The following USP31 variants were observed in gnomAD, a reference collection of about 807,000 sequenced individuals.
USP31 encodes the protein ubiquitin carboxyl-terminal hydrolase 31.
USP31 carries 44 observed loss-of-function variants against 119.4 expected under a neutral mutation model. The ratio of observed to expected loss-of-function variants is 0.37; its 90% CI spans 0.29 to 0.47. The LOEUF is 0.47. USP31 is among the 20% of genes least tolerant of loss of function. The pLI, the probability that USP31 is intolerant of heterozygous loss-of-function variation, is 0.99. For synonymous variants in USP31, 749 were observed against 705.6 expected (o/e 1.06, Z -0.97); for missense variants, 1,643 against 1,730.2 (o/e 0.95, Z 0.89).
chr16:23,100,188 C>T (rs1046674700), intron 6 of USP31, among the ~76,000 whole-genome samples: 1 of 151,968 alleles, frequency 6.6e-6, no homozygotes, highest in African/African-American at 2.4e-5. Context: ...TGAAGAGAAA[C>T]GAAAACATAA....
chr16:23,131,729 T>C (rs1363713973), intron 1 of USP31, among the ~76,000 whole-genome samples: 1 of 152,070 alleles, frequency 6.6e-6, no homozygotes, highest in Non-Finnish European at 1.5e-5. Context: ...TGTACATGAA[T>C]TCACTTTGTA....
chr16:23,077,478 T>C (rs2141835651), intron 13 of USP31, among the ~76,000 whole-genome samples: 1 of 152,224 alleles, frequency 6.6e-6, no homozygotes, highest in Non-Finnish European at 1.5e-5. Flanking sequence ...GCCAACGGAC[T>C]CCTCTGCCTT....
At chr16:23,075,326 A>G (rs1900521431) in intron 13 of USP31, among the ~76,000 whole-genome samples, 1 of 152,178 alleles carries the variant, frequency 6.6e-6, no homozygotes, top group South Asian at 2.1e-4. Flanking sequence ...TGTGAGGGAC[A>G]TGCCCAAGAG....
In USP31 at chr16:23,068,386, C is replaced by T; in HGVS notation, c.3719G>A (p.Arg1240His). ...GGCTGTCTTGCCAAGATCCGTCGAGCGCCGGGTTTCCTTCTGTCTCAAGGC... is the reference window on the plus strand; with the variant it reads ...GGCTGTCTTGCCAAGATCCGTCGAGTGCCGGGTTTCCTTCTGTCTCAAGGC... The part of the protein sequence containing the change: ...KSALRQKETR[R>H]STDLGKTALL... The change falls in exon 16 of 16, where the codon CGC (arginine) becomes CAC (histidine). Residue 1240 changes from arginine (R) to histidine (H), a missense_variant. Physicochemically the swap from Arg to His is conservative, Grantham distance 29 (BLOSUM62 0). Coordinates refer to ENST00000219689, the MANE Select transcript of USP31 (RefSeq NM_020718.4). 2 of 1,614,030 alleles carry T rather than the reference C, an allele frequency of 1.2e-6. No homozygotes were observed. The highest frequency in any genetic ancestry group is 1.3e-5 in the African/African-American group (1 of 75,058).
chr16:23,097,445 A>G (rs1901660663), intron 6 of USP31, among the ~76,000 whole-genome samples: 1 of 152,230 alleles, frequency 6.6e-6, no homozygotes, highest in Non-Finnish European at 1.5e-5. Flanking sequence ...AATCAACAGA[A>G]AAAGAGGGAA....
chr16:23,079,802 G>A, intron 13 of USP31, 144 bp downstream of exon 13: 1 of 712,294 alleles, frequency 1.4e-6, no homozygotes, highest in Non-Finnish European at 2.2e-6. Context: ...CTTGGGCAGA[G>A]ATCCAGAGGA....
chr16:23,134,245 T>C (rs532885799), intron 1 of USP31, among the ~76,000 whole-genome samples: 8 of 152,164 alleles, frequency 5.3e-5, no homozygotes, highest in East Asian at 1.9e-4. Context: ...AGTAAAAGAA[T>C]TGATGAAACA....
chr16:23,132,061 G>C (rs188774908), intron 1 of USP31, among the ~76,000 whole-genome samples: 1 of 152,142 alleles, frequency 6.6e-6, no homozygotes, highest in African/African-American at 2.4e-5. Context: ...TTCAGTGACT[G>C]GCCAATTGCT....
intron 1 of USP31, among the ~76,000 whole-genome samples, chr16:23,117,534 A>G (rs1902530234): frequency 6.6e-6 from 1 of 152,248 alleles, no homozygotes; most frequent in East Asian, 1.9e-4. Flanking sequence ...AAAGGGAGAA[A>G]TAGTGAAAGG....
chr16:23,122,622 A>G lies in USP31; in HGVS notation c.634-14439T>C, dbSNP rs116544100. Among the ~76,000 whole-genome samples, 609 of 152,352 alleles carry G rather than the reference A, an allele frequency of 4.0e-3. 7 individuals are homozygous for G. The highest frequency in any genetic ancestry group is 0.013 in the African/African-American group (554 of 41,584). ...ATATAATAGAATATTTTGCAGCTATAAAAAGAAATGTAGTACGATATATAC... is the reference window on the plus strand; with the variant it reads ...ATATAATAGAATATTTTGCAGCTATGAAAAGAAATGTAGTACGATATATAC... On this transcript the variant is annotated intron_variant, in intron 1 of 15. Transcript: ENST00000219689.
At chr16:23,086,562 C>T (rs986493540) in intron 9 of USP31, among the ~76,000 whole-genome samples, 3 of 151,972 alleles carry the variant, frequency 2.0e-5, no homozygotes, top group Non-Finnish European at 4.4e-5. Context: ...GAATTACGGA[C>T]GGAGGAAACC....
chr16:23,085,644 T>C lies in USP31; in HGVS notation c.1641A>G (p.Gly547=), dbSNP rs1901076078. The change falls in exon 10 of 16, where the codon GGA becomes GGG. Residue 547 remains glycine (G), a synonymous_variant. Transcript: ENST00000219689. ...PIVERALKSC[G]PGGTAHVKLV... ...ATTTCACATGAGCAGTGCCACCTGG[T>C]CCACAAGATTTTAATGCCCTATAGA... The C allele has an allele frequency of 1.9e-6, 3 of 1,613,850 alleles. No individual in the cohort carries two copies. The highest frequency in any genetic ancestry group is 1.3e-5 in the African/African-American group (1 of 74,922).
At chr16:23,080,200 T>C (rs1314038437) in intron 12 of USP31, 29 bp from the exon 13 acceptor site, 1 of 1,523,016 alleles carries the variant, frequency 6.6e-7, no homozygotes. Context: ...CAAGTTCTGG[T>C]GATATTTTAA....
At chr16:23,119,137 C>T (rs1324627266) in intron 1 of USP31, among the ~76,000 whole-genome samples, 4 of 149,000 alleles carry the variant, frequency 2.7e-5, no homozygotes, top group Admixed American at 2.0e-4. Context: ...CTCGCTTTGT[C>T]CCCCAGGCTG....
At chr16:23,104,587 T>C (rs1233756021) in intron 5 of USP31, among the ~76,000 whole-genome samples, 1 of 152,196 alleles carries the variant, frequency 6.6e-6, no homozygotes, top group Non-Finnish European at 1.5e-5. Flanking sequence ...ATATTTGCCA[T>C]ATTAGGGCAA....
rs368133756 is a variant in USP31, at chr16:23,068,029, C to A, written c.*17G>T. The A allele has an allele frequency of 1.9e-6, 3 of 1,597,378 alleles. No individual in the cohort carries two copies. In the South Asian group the frequency reaches 3.4e-5, roughly 18 times the overall value. On this transcript the variant is annotated 3_prime_UTR_variant, in exon 16 of 16. Transcript: ENST00000219689. ...AATAAACATCTTTACAGATAAAACA[C>A]TTTGATTGCAGAAATATCACTGAGG... is the stretch of plus-strand genomic sequence containing the variant.
chr16:23,078,310 CAAAA>C (rs34288248), intron 13 of USP31, among the ~76,000 whole-genome samples: 33 of 71,136 alleles, frequency 4.6e-4, no homozygotes, highest in South Asian at 3.3e-3. Context: ...GACTCCGTCG[CAAAA>C]AAAAAAAAAA....
At chr16:23,106,147 G>A (rs1433345199) in intron 4 of USP31, 66 bp downstream of exon 4, 1 of 1,539,212 alleles carries the variant, frequency 6.5e-7, no homozygotes, top group Non-Finnish European at 9.0e-7. Flanking sequence ...GACCTAATAG[G>A]AGCCTACAGA....
chr16:23,148,777 C>A lies in USP31; in HGVS notation c.494G>T (p.Arg165Leu). 1.3e-6 allele frequency: 2 copies of A among 1,531,692 alleles called. No individual in the cohort carries two copies. Among genetic ancestry groups the A allele is most frequent in the South Asian group, 1.2e-5 (1 of 80,794 alleles). The allele number at this position is 1,531,692 out of a possible 1,614,324, so 94.9% of individuals were successfully genotyped here. A position where few individuals can be genotyped will look rare whatever the true frequency, so the allele number is the denominator to read the frequency against. Residue 165 changes from arginine to leucine, a missense_variant, in exon 1 of 16, where the codon CGG (arginine) becomes CTG (leucine). Physicochemically the swap from Arg to Leu is moderately radical, Grantham distance 102. Transcript: ENST00000219689. ...CTCCGGGTCAGGCGAGGGCTCGGGC[C>A]GCCCCGCCCGGTACTGGCCCAGCGC... ...YLALGQYRAGRPEPSPDPEQP... is the reference protein window; with the variant it reads ...YLALGQYRAGLPEPSPDPEQP...
Sources: gnomAD v4.1 joint callset for allele counts (sites outside exome capture counted in the v4.1 genomes callset) on GRCh38, gnomAD v4.1.1 for gene constraint, MANE v1.5 for transcripts, NCBI Gene and HGNC (gene_info 2026-07-23, HGNC 2026-07-21) for gene names.